The following LINGO2 variants were observed in gnomAD, a reference collection of about 807,000 sequenced individuals.
LINGO2 encodes leucine rich repeat and Ig domain containing 2, also known as leucine-rich repeat and immunoglobulin-like domain-containing nogo receptor-interacting protein 2.
In LINGO2, 14 loss-of-function variants were observed where a neutral mutation model predicts 30.6. That is an observed-to-expected ratio of 0.46 (90% CI 0.30 to 0.72). The LOEUF is 0.72. LINGO2 is among the 30% of genes least tolerant of loss of function. The probability of loss-of-function intolerance (pLI) is 0.07; values close to 1 mark genes in which losing one functional copy is unlikely to be tolerated. For missense variants in LINGO2, 729 were observed against 751.7 expected (o/e 0.97, Z 0.35); for synonymous variants, 317 against 288.5 (o/e 1.10, Z -1.00).
chr9:28,399,007 A>G (rs1010603898), intron 2 of LINGO2, among the ~76,000 whole-genome samples: 1 of 152,176 alleles, frequency 6.6e-6, no homozygotes, highest in Non-Finnish European at 1.5e-5. Flanking sequence ...GACAAAGGGG[A>G]TAATATTATT....
the LINGO2 span, among the ~76,000 whole-genome samples, chr9:28,681,898 TATAAA>T: frequency 6.6e-6 from 1 of 152,110 alleles, no homozygotes; most frequent in East Asian, 1.9e-4. Flanking sequence ...ATCAACCAAC[TATAAA>T]ATAATTTTAG....
the LINGO2 span, among the ~76,000 whole-genome samples, chr9:29,126,868 C>T: frequency 2.6e-5 from 4 of 152,164 alleles, no homozygotes; most frequent in African/African-American, 4.8e-5. Flanking sequence ...CAACTTTCCA[C>T]GCCCAAGTAA....
At chr9:28,223,995 A>G (rs1199418825) in intron 4 of LINGO2, among the ~76,000 whole-genome samples, 3 of 152,214 alleles carry the variant, frequency 2.0e-5, no homozygotes, top group Non-Finnish European at 4.4e-5. Flanking sequence ...AAGTTCATCT[A>G]CTTTCAGGTA....
the LINGO2 span, among the ~76,000 whole-genome samples, chr9:28,922,165 T>C: frequency 6.6e-6 from 1 of 152,350 alleles, no homozygotes; most frequent in Non-Finnish European, 1.5e-5. Context: ...GTACTCCATC[T>C]GCTTCTAGCT....
chr9:28,795,743 T>C, the LINGO2 span, among the ~76,000 whole-genome samples: 67,912 of 151,778 alleles, frequency 0.45, 15,430 homozygotes, highest in Middle Eastern at 0.55. Flanking sequence ...TGAGTGCTAG[T>C]TGTTTTAAAA....
chr9:27,950,429 A>T (rs1166518452), exon 6 of LINGO2: 2 of 1,613,968 alleles, frequency 1.2e-6, no homozygotes, highest in Non-Finnish European at 1.7e-6. Flanking sequence ...CTTCCAGCAG[A>T]GGATATGATA....
At chr9:28,618,554 A>AATT (rs1163987758) in intron 1 of LINGO2, among the ~76,000 whole-genome samples, 4 of 152,118 alleles carry the variant, frequency 2.6e-5, no homozygotes, top group Non-Finnish European at 4.4e-5. Flanking sequence ...CTTCATCATA[A>AATT]ATTAAACATT....
intron 1 of LINGO2, among the ~76,000 whole-genome samples, chr9:28,631,074 TA>T (rs1295353728): frequency 6.6e-6 from 1 of 151,974 alleles, no homozygotes; most frequent in Non-Finnish European, 1.5e-5. Context: ...ATTTAAATAT[TA>T]AAAAAATTAT....
At chr9:28,839,628 C>A in the LINGO2 span, among the ~76,000 whole-genome samples, 1 of 152,102 alleles carries the variant, frequency 6.6e-6, no homozygotes, top group Non-Finnish European at 1.5e-5. Flanking sequence ...CCCAGTCTAG[C>A]TGAGTCCAGG....
chr9:28,696,330 G>C, the LINGO2 span, among the ~76,000 whole-genome samples: 1 of 151,870 alleles, frequency 6.6e-6, no homozygotes, highest in East Asian at 1.9e-4. Flanking sequence ...AATGACTGCT[G>C]CTTGTGCTGT....
intron 3 of LINGO2, among the ~76,000 whole-genome samples, chr9:28,358,770 A>C (rs187284391): frequency 1.3e-5 from 2 of 152,160 alleles, no homozygotes; most frequent in African/African-American, 4.8e-5. Flanking sequence ...AACATTCTAC[A>C]GGTCTTATTG....
chr9:28,164,545 C>A (rs1828374293), intron 4 of LINGO2, among the ~76,000 whole-genome samples: 1 of 152,004 alleles, frequency 6.6e-6, no homozygotes, highest in Non-Finnish European at 1.5e-5. Flanking sequence ...GTCACCAGAG[C>A]CCATCTATGG....
chr9:28,011,278 C>G (rs1238509530), intron 5 of LINGO2, among the ~76,000 whole-genome samples: 2 of 152,104 alleles, frequency 1.3e-5, no homozygotes, highest in Non-Finnish European at 2.9e-5. Context: ...AGGGAAATAA[C>G]ATTTGTTTGG....
chr9:29,053,706 A>G, the LINGO2 span, among the ~76,000 whole-genome samples: 1 of 152,202 alleles, frequency 6.6e-6, no homozygotes, highest in East Asian at 1.9e-4. Flanking sequence ...ACATGAATAA[A>G]TGTTGTGGTA....
the LINGO2 span, among the ~76,000 whole-genome samples, chr9:28,711,794 A>G: frequency 6.6e-6 from 1 of 152,134 alleles, no homozygotes; most frequent in East Asian, 1.9e-4. Context: ...AAATGAGCCA[A>G]TTAATCAAAC....
At chr9:29,108,862 G>T in the LINGO2 span, among the ~76,000 whole-genome samples, 1 of 152,154 alleles carries the variant, frequency 6.6e-6, no homozygotes, top group Non-Finnish European at 1.5e-5. Flanking sequence ...TGGGCAAAAT[G>T]TGTGATTGCA....
chr9:28,202,717 T>C (rs111852417), intron 4 of LINGO2, among the ~76,000 whole-genome samples: 14 of 152,128 alleles, frequency 9.2e-5, no homozygotes, highest in African/African-American at 3.4e-4. Flanking sequence ...GAGCCTCTAT[T>C]TTCACAAATG....
At chr9:28,040,739 G>A (rs962199089) in intron 4 of LINGO2, among the ~76,000 whole-genome samples, 3 of 149,648 alleles carry the variant, frequency 2.0e-5, no homozygotes, top group Non-Finnish European at 3.0e-5. Flanking sequence ...TTACTGATAA[G>A]GAAACAGACT....
intron 3 of LINGO2, among the ~76,000 whole-genome samples, chr9:28,369,718 T>G (rs1368926492): frequency 6.6e-6 from 1 of 152,180 alleles, no homozygotes; most frequent in Non-Finnish European, 1.5e-5. Context: ...GAACTAGGGC[T>G]TAAGAAGAGC....
Sources: gnomAD v4.1 joint callset for allele counts (sites outside exome capture counted in the v4.1 genomes callset) on GRCh38, gnomAD v4.1.1 for gene constraint, MANE v1.5 for transcripts, NCBI Gene and HGNC (gene_info 2026-07-23, HGNC 2026-07-21) for gene names.